Variants in SERPINE2 observed in about 807,000 individuals in gnomAD.
SERPINE2 encodes glia-derived nexin.
SERPINE2 carries 14 observed loss-of-function variants against 36.3 expected under a neutral mutation model. That is an observed-to-expected ratio of 0.39 (90% CI 0.25 to 0.60). SERPINE2 has a LOEUF of 0.60. Ranked by LOEUF, SERPINE2 falls within the 20% of genes least tolerant of loss-of-function variation. The pLI, the probability that SERPINE2 is intolerant of heterozygous loss-of-function variation, is 0.57. For missense variants in SERPINE2, 418 were observed against 499.6 expected (o/e 0.84, Z 1.56); for synonymous variants, 192 against 191.8 (o/e 1.00, Z -0.01).
chr2:224,018,848 C>T (rs1691888577), intron 1 of SERPINE2, among the ~76,000 whole-genome samples: 1 of 152,094 alleles, frequency 6.6e-6, no homozygotes, highest in Non-Finnish European at 1.5e-5. Context: ...TTGAATGATC[C>T]ACCCCTCTCA....
intron 1 of SERPINE2, among the ~76,000 whole-genome samples, chr2:224,006,369 G>A (rs1691425155): frequency 1.3e-5 from 2 of 152,118 alleles, no homozygotes; most frequent in Non-Finnish European, 2.9e-5. Flanking sequence ...TCTGTTGAAA[G>A]AGCTTGCTTA....
chr2:224,023,223 T>G (rs1692072633), intron 1 of SERPINE2, among the ~76,000 whole-genome samples: 1 of 152,192 alleles, frequency 6.6e-6, no homozygotes, highest in African/African-American at 2.4e-5. Flanking sequence ...TATTTATCCG[T>G]CTCTTGTGAG....
At position 223,991,018 on chromosome 2, in the gene SERPINE2, C is replaced by T. The variant is rs375190898; in HGVS notation, c.685+785G>A. ...AATTCAGAAATAATTTTTCTGAAAT[C>T]CTACCATTAATATTTTTTACTGAAG... is the stretch of plus-strand genomic sequence containing the variant. On this transcript the variant is annotated intron_variant, in intron 4 of 8. Coordinates refer to ENST00000409304, the MANE Select transcript of SERPINE2 (RefSeq NM_001136528.2). Among the ~76,000 whole-genome samples, 8 of 152,064 alleles carry T rather than the reference C, an allele frequency of 5.3e-5. No homozygotes were observed. In the East Asian group the frequency reaches 1.2e-3, roughly 22 times the overall value.
chr2:223,991,893 G>T lies in SERPINE2; in HGVS notation c.595C>A (p.Pro199Thr). The change falls in exon 4 of 9, where the codon CCC becomes ACC. Residue 199 changes from proline (P) to threonine (T), a missense_variant. Pro to Thr is a conservative substitution (Grantham distance 38). Transcript: ENST00000409304. Reference protein sequence around the residue: ...FKGLWKSRFQPENTKKRTFVA... With the variant: ...FKGLWKSRFQTENTKKRTFVA... ...AAAGTGCGTTTCTTTGTGTTCTCGG[G>T]TTGGAACCGTGATTTCCACAGACCC... The T allele has an allele frequency of 1.2e-6, 2 of 1,613,284 alleles. No homozygotes were observed. Among genetic ancestry groups the T allele is most frequent in the Non-Finnish European group, 1.7e-6 (2 of 1,179,652 alleles).
chr2:224,006,926 T>C (rs1691446989), intron 1 of SERPINE2, among the ~76,000 whole-genome samples: 1 of 152,206 alleles, frequency 6.6e-6, no homozygotes, highest in African/African-American at 2.4e-5. Flanking sequence ...CGCTGCTCCC[T>C]GCTGCCTCAC....
At chr2:224,032,966 T>C (rs916691089) in intron 1 of SERPINE2, among the ~76,000 whole-genome samples, 2 of 152,182 alleles carry the variant, frequency 1.3e-5, no homozygotes, top group African/African-American at 2.4e-5. Flanking sequence ...ACTGTAGAAA[T>C]AGACTTGGCC....
At chr2:224,028,384 C>T (rs897770779) in intron 1 of SERPINE2, among the ~76,000 whole-genome samples, 2 of 152,234 alleles carry the variant, frequency 1.3e-5, no homozygotes, top group Non-Finnish European at 2.9e-5. Context: ...TAAAGCCACA[C>T]ACTACTAAGT....
intron 1 of SERPINE2, among the ~76,000 whole-genome samples, chr2:224,032,076 AGTT>A (rs1270460066): frequency 6.6e-6 from 1 of 152,236 alleles, no homozygotes. Flanking sequence ...ATAATGCAGT[AGTT>A]AATAGTTCCT....
intron 4 of SERPINE2, among the ~76,000 whole-genome samples, chr2:223,987,211 T>C (rs1294790455): frequency 2.6e-5 from 4 of 152,208 alleles, no homozygotes; most frequent in African/African-American, 7.2e-5. Flanking sequence ...ACATACAAAG[T>C]GCTCAGCATA....
rs371396269 is a variant in SERPINE2 at position 224,037,191 on chromosome 2, T to C, written c.-23+1908A>G. Among the ~76,000 whole-genome samples, 25 of 152,284 alleles carry C rather than the reference T, an allele frequency of 1.6e-4. No homozygotes were observed. The South Asian group carries it at 4.4e-3, about 27-fold the overall frequency. On this transcript the variant is annotated intron_variant, in intron 1 of 8. Coordinates refer to ENST00000409304, the MANE Select transcript of SERPINE2 (RefSeq NM_001136528.2). ...TAGATGCTTAAGAAGATTTATTGGA[T>C]GACTGGGTAAACACAGAAAAGTCTG...
chr2:224,028,451 G>A lies in SERPINE2; in HGVS notation c.-23+10648C>T, dbSNP rs574626875. ...GACCTCTAAACTCATCCTCTGCCCA[G>A]CAATGCTCTGACCTTCAATCTGTGA... On this transcript the variant is annotated intron_variant, in intron 1 of 8. Coordinates refer to ENST00000409304, the MANE Select transcript of SERPINE2 (RefSeq NM_001136528.2). Among the ~76,000 whole-genome samples the A allele has an allele frequency of 4.0e-4, 61 of 152,296 alleles. 3 individuals are homozygous for A. Among genetic ancestry groups the A allele is most frequent in the Admixed American group, 4.0e-3 (61 of 15,304 alleles).
At chr2:224,016,275 G>A (rs1420723501) in intron 1 of SERPINE2, among the ~76,000 whole-genome samples, 2 of 152,308 alleles carry the variant, frequency 1.3e-5, no homozygotes, top group Middle Eastern at 3.4e-3. Context: ...CGAGACAGGC[G>A]GATCACCTGA....
chr2:224,002,874 T>G (rs191215524), intron 1 of SERPINE2, among the ~76,000 whole-genome samples: 1 of 152,220 alleles, frequency 6.6e-6, no homozygotes, highest in Non-Finnish European at 1.5e-5. Context: ...CGGACCCTTT[T>G]CTAAGTGTTA....
Position 223,991,864 on chromosome 2 carries a change from C to T in SERPINE2, c.624G>A (p.Val208=). The T allele has an allele frequency of 6.2e-7, 1 of 1,613,438 alleles. No individual in the cohort carries two copies. ...CTTGATAGGATTTCCCGTCGGCTGCCACGAAAGTGCGTTTCTTTGTGTTCT... is the reference window on the plus strand; with the variant it reads ...CTTGATAGGATTTCCCGTCGGCTGCTACGAAAGTGCGTTTCTTTGTGTTCT... The part of the protein sequence containing the change: ...QPENTKKRTF[V]AADGKSYQVP... The change falls in exon 4 of 9, where the codon GTG becomes GTA. Residue 208 remains valine, a synonymous_variant. Transcript: ENST00000409304.
intron 3 of SERPINE2, among the ~76,000 whole-genome samples, chr2:223,997,902 G>T (rs1282836801): frequency 1.3e-5 from 2 of 152,192 alleles, no homozygotes; most frequent in African/African-American, 4.8e-5. Context: ...CTGTTCTGTT[G>T]CCCAAACTAC....
intron 1 of SERPINE2, among the ~76,000 whole-genome samples, chr2:224,006,633 AG>A: frequency 6.6e-6 from 1 of 152,340 alleles, no homozygotes; most frequent in South Asian, 2.1e-4. Context: ...TGGTGCCCAC[AG>A]GGTCAGTTTA....
At chr2:223,977,648 T>C (rs1316101754) in intron 7 of SERPINE2, 21 bp from the exon 8 acceptor site, 1 of 1,552,620 alleles carries the variant, frequency 6.4e-7, no homozygotes, top group Non-Finnish European at 8.9e-7. Context: ...AAAAGGAAAA[T>C]GTGTTGTGCA....
At chr2:223,986,506 C>A (rs1226164022) in intron 4 of SERPINE2, among the ~76,000 whole-genome samples, 1 of 151,784 alleles carries the variant, frequency 6.6e-6, no homozygotes, top group Non-Finnish European at 1.5e-5. Context: ...AAAAAAATCA[C>A]TTCCTAATGA....
rs1574805006 is a variant in SERPINE2, at chr2:223,977,610, T to G, written c.1090A>C (p.Arg364=). The G allele has an allele frequency of 6.2e-7, 1 of 1,612,992 alleles. No individual in the cohort carries two copies. The highest frequency in any genetic ancestry group is 8.5e-7 in the Non-Finnish European group (1 of 1,178,966). The change falls in exon 8 of 9, where the codon AGA becomes CGA. Residue 364 remains arginine (R), a synonymous_variant. Coordinates refer to ENST00000409304, the MANE Select transcript of SERPINE2 (RefSeq NM_001136528.2). The stretch of plus-strand genomic sequence containing the variant: ...ACTATAAACCAGGGAGGCGATGATC[T>G]TGCAATGAGAATTGCAGCTACGGGA... ...SAATTAILIA[R]SSPPWFIVDR...
Sources: gnomAD v4.1 joint callset for allele counts (sites outside exome capture counted in the v4.1 genomes callset) on GRCh38, gnomAD v4.1.1 for gene constraint, MANE v1.5 for transcripts, NCBI Gene and HGNC (gene_info 2026-07-23, HGNC 2026-07-21) for gene names.